Variants in GPC5 observed in about 807,000 individuals in gnomAD.
GPC5 encodes the protein glypican 5.
GPC5 carries 47 observed loss-of-function variants against 53.9 expected under a neutral mutation model. The ratio of observed to expected loss-of-function variants is 0.87; its 90% CI spans 0.69 to 1.11. The LOEUF (loss-of-function observed/expected upper bound fraction) is 1.11. GPC5 is among the 50% of genes most tolerant of loss of function. The pLI is 0.00. For missense variants in GPC5, 748 were observed against 713.1 expected, an observed-to-expected ratio of 1.05 and a Z score of -0.56; for synonymous variants, 286 against 263.3, an observed-to-expected ratio of 1.09 and a Z score of -0.84.
chr13:92,459,804 T>G (rs1466227215), intron 7 of GPC5, among the ~76,000 whole-genome samples: 1 of 152,118 alleles, frequency 6.6e-6, no homozygotes, highest in East Asian at 1.9e-4. Flanking sequence ...AAATTTTCAC[T>G]TTTTTTCAGC....
chr13:92,317,797 G>A (rs1400673432), intron 7 of GPC5, among the ~76,000 whole-genome samples: 7 of 152,132 alleles, frequency 4.6e-5, no homozygotes, highest in Non-Finnish European at 8.8e-5. Flanking sequence ...CACCGCACCC[G>A]GCCCCTTTTC....
rs539375174 is a variant in GPC5, at chr13:92,414,254, C to T, written c.1561+269265C>T. Among the ~76,000 whole-genome samples the T allele has an allele frequency of 5.3e-5, 8 of 152,158 alleles. No individual in the cohort carries two copies. In the South Asian group the frequency reaches 1.7e-3, roughly 32 times the overall value. On this transcript the variant is annotated intron_variant, in intron 7 of 7. Transcript: ENST00000377067. Reference sequence around the variant, plus strand: ...GTGCAGTGGCTCATGCCTGTAATCCCAGCACATTGGGAGGCTGAGGTGGGC... The same window carrying T: ...GTGCAGTGGCTCATGCCTGTAATCCTAGCACATTGGGAGGCTGAGGTGGGC...
chr13:92,000,277 A>T lies in GPC5; in HGVS notation c.1401+92220A>T, dbSNP rs1033086183. Among the ~76,000 whole-genome samples, 17 of 152,240 alleles carry T rather than the reference A, an allele frequency of 1.1e-4. No individual in the cohort carries two copies. In the East Asian group the frequency reaches 3.3e-3, roughly 29 times the overall value. On this transcript the variant is annotated intron_variant, in intron 6 of 7. Transcript: ENST00000377067. Reference sequence around the variant, plus strand: ...GTGTGCATATTTTTTTTATTAAAAAATAGTTCTATATTTGGATAGAGGAAA... The same window carrying T: ...GTGTGCATATTTTTTTTATTAAAAATTAGTTCTATATTTGGATAGAGGAAA...
intron 7 of GPC5, among the ~76,000 whole-genome samples, chr13:92,864,691 A>G (rs1879286545): frequency 6.6e-6 from 1 of 152,104 alleles, no homozygotes; most frequent in Admixed American, 6.6e-5. Context: ...AAAAAAGGGA[A>G]TCACTAGTTT....
At chr13:91,479,255 T>G (rs989347267) in intron 2 of GPC5, among the ~76,000 whole-genome samples, 4 of 152,098 alleles carry the variant, frequency 2.6e-5, no homozygotes, top group Admixed American at 2.0e-4. Flanking sequence ...TTTAGGATTT[T>G]AGCACTATTA....
chr13:92,762,275 A>G (rs1019337962), intron 7 of GPC5, among the ~76,000 whole-genome samples: 6 of 152,158 alleles, frequency 3.9e-5, no homozygotes, highest in Admixed American at 2.0e-4. Context: ...CAAAGTATAA[A>G]TTGTGTGAGG....
chr13:92,547,750 T>C (rs1345223638), intron 7 of GPC5, among the ~76,000 whole-genome samples: 1 of 151,948 alleles, frequency 6.6e-6, no homozygotes, highest in Non-Finnish European at 1.5e-5. Context: ...TAGTTCCTTG[T>C]TGGTAATGGG....
chr13:92,652,385 C>T (rs34497254), intron 7 of GPC5, among the ~76,000 whole-genome samples: 36,087 of 151,976 alleles, frequency 0.24, 4,962 homozygotes, highest in South Asian at 0.39. Context: ...AAAAAGCTAC[C>T]TTATGCCTTT....
chr13:92,173,981 TGTAG>T (rs2042089102), intron 7 of GPC5, among the ~76,000 whole-genome samples: 1 of 152,074 alleles, frequency 6.6e-6, no homozygotes, highest in South Asian at 2.1e-4. Context: ...GGCACCCACC[TGTAG>T]TCCCAGCTAC....
At chr13:92,585,854 C>T (rs1052170859) in intron 7 of GPC5, among the ~76,000 whole-genome samples, 1 of 152,120 alleles carries the variant, frequency 6.6e-6, no homozygotes, top group Non-Finnish European at 1.5e-5. Context: ...TCTCTCTTTG[C>T]CTGCTGCCAT....
At position 91,896,278 on chromosome 13, in the gene GPC5, G is replaced by A. The variant is rs371498383; in HGVS notation, c.1281-11659G>A. Among the ~76,000 whole-genome samples, 411 of 151,846 alleles carry A rather than the reference G, an allele frequency of 2.7e-3. 3 individuals are homozygous for A. The highest frequency in any genetic ancestry group is 9.4e-3 in the African/African-American group (390 of 41,410). On this transcript the variant is annotated intron_variant, in intron 5 of 7. Coordinates refer to ENST00000377067, the MANE Select transcript of GPC5 (RefSeq NM_004466.6). ...GGGACTACAGGCACGTGCCACCAAGGCCTGCTAACTTTTTGTATTTTTAGT... is the reference window on the plus strand; with the variant it reads ...GGGACTACAGGCACGTGCCACCAAGACCTGCTAACTTTTTGTATTTTTAGT...
chr13:92,522,577 T>G (rs909616001), intron 7 of GPC5, among the ~76,000 whole-genome samples: 1 of 151,834 alleles, frequency 6.6e-6, no homozygotes, highest in Non-Finnish European at 1.5e-5. Flanking sequence ...ATGAGAACAC[T>G]TGGACACAGG....
intron 2 of GPC5, among the ~76,000 whole-genome samples, chr13:91,597,181 T>C (rs2033025256): frequency 6.6e-6 from 1 of 152,178 alleles, no homozygotes; most frequent in Non-Finnish European, 1.5e-5. Flanking sequence ...AAATCATTGG[T>C]TCCCATATTT....
At chr13:92,590,555 C>T (rs2139066538) in intron 7 of GPC5, among the ~76,000 whole-genome samples, 1 of 152,356 alleles carries the variant, frequency 6.6e-6, no homozygotes, top group Non-Finnish European at 1.5e-5. Context: ...AGAGCTGAGT[C>T]ATGACAGTTG....
At chr13:92,065,971 C>T (rs1269320484) in intron 6 of GPC5, among the ~76,000 whole-genome samples, 7 of 152,006 alleles carry the variant, frequency 4.6e-5, no homozygotes, top group Non-Finnish European at 7.4e-5. Flanking sequence ...CAATATTCAA[C>T]TGTTGAAAAG....
chr13:92,282,773 G>T (rs1337669841), intron 7 of GPC5, among the ~76,000 whole-genome samples: 1 of 152,048 alleles, frequency 6.6e-6, no homozygotes, highest in African/African-American at 2.4e-5. Context: ...AAAAGATACC[G>T]GCCACTGCAA....
Position 91,586,530 on chromosome 13 carries a change from A to G in GPC5, c.326-106657A>G, listed in dbSNP as rs1384776993. ...TATATATATATATATATATATATAT[A>G]TATATATATATATATATATATATAT... On this transcript the variant is annotated intron_variant, in intron 2 of 7. Coordinates refer to ENST00000377067, the MANE Select transcript of GPC5 (RefSeq NM_004466.6). Among the ~76,000 whole-genome samples the G allele has an allele frequency of 1.5e-4, 6 of 39,534 alleles. 1 individual carries two copies. Among genetic ancestry groups the G allele is most frequent in the African/African-American group, 2.7e-4 (1 of 3,680 alleles). The allele number at this position is 39,534 out of a possible 152,430, so 25.9% of individuals were successfully genotyped here.
intron 5 of GPC5, among the ~76,000 whole-genome samples, chr13:91,861,072 A>G (rs772319279): frequency 6.6e-6 from 1 of 152,310 alleles, no homozygotes; most frequent in South Asian, 2.1e-4. Flanking sequence ...TATTGTGATC[A>G]GAGGATATAT....
chr13:92,527,142 A>AAG (rs1436424015), intron 7 of GPC5, among the ~76,000 whole-genome samples: 1 of 127,266 alleles, frequency 7.9e-6, no homozygotes, highest in Non-Finnish European at 1.7e-5. Flanking sequence ...GAAAGAAAGA[A>AAG]AGAAAGAAAG....
Sources: gnomAD v4.1 joint callset for allele counts (sites outside exome capture counted in the v4.1 genomes callset) on GRCh38, gnomAD v4.1.1 for gene constraint, MANE v1.5 for transcripts, NCBI Gene and HGNC (gene_info 2026-07-23, HGNC 2026-07-21) for gene names.